Variants in RPS6KC1 observed in about 807,000 individuals in gnomAD.
RPS6KC1 encodes ribosomal protein S6 kinase C1.
Under a neutral mutation model 103.8 loss-of-function variants are expected in RPS6KC1, and 54 were observed. That is an observed-to-expected ratio of 0.52 (90% CI 0.42 to 0.65). The LOEUF (loss-of-function observed/expected upper bound fraction) is 0.65. RPS6KC1 is among the 30% of genes least tolerant of loss of function. The probability of loss-of-function intolerance (pLI) is 0.00; values close to 1 mark genes in which losing one functional copy is unlikely to be tolerated. For synonymous variants in RPS6KC1, 439 were observed against 438.7 expected (o/e 1.00, Z -0.01); for missense variants, 1,151 against 1,253.8 (o/e 0.92, Z 1.24).
At chr1:213,324,593 CTTTTT>C in the RPS6KC1 span, among the ~76,000 whole-genome samples, 5 of 81,822 alleles carry the variant, frequency 6.1e-5, no homozygotes, top group East Asian at 4.4e-4. Context: ...GCTCGATATG[CTTTTT>C]TTTTTTTTTT....
the RPS6KC1 span, among the ~76,000 whole-genome samples, chr1:213,542,685 T>G: frequency 2.0e-5 from 3 of 152,230 alleles, no homozygotes; most frequent in African/African-American, 7.2e-5. Context: ...TCTTAATGTC[T>G]TGAGAGCAAC....
At chr1:213,237,104 G>A (rs1219243915) in intron 10 of RPS6KC1, among the ~76,000 whole-genome samples, 1 of 151,894 alleles carries the variant, frequency 6.6e-6, no homozygotes, top group Admixed American at 6.6e-5. Flanking sequence ...GTTACATATT[G>A]CCTTGAGCTT....
rs947663016 is a variant in RPS6KC1 at position 213,077,767 on chromosome 1, A to T, written c.213A>T (p.Leu71Phe). The T allele has an allele frequency of 6.4e-7, 1 of 1,567,922 alleles. No individual in the cohort carries two copies. Residue 71 changes from leucine to phenylalanine, a missense_variant, in exon 3 of 15, where the codon TTA (leucine) becomes TTT (phenylalanine). Leu to Phe is a conservative substitution (Grantham distance 22, BLOSUM62 0). Around this residue, in one of 3 missense-constraint regions of RPS6KC1, gnomAD observed 959 missense variants for 1,006.3 expected, o/e 0.95. Transcript: ENST00000366960. ...AACTATGGCAAATTCACAAAAACTTATTCCGACATTCAGAGTTGTTTCCTC... is the reference window on the plus strand; with the variant it reads ...AACTATGGCAAATTCACAAAAACTTTTTCCGACATTCAGAGTTGTTTCCTC... ...HKELWQIHKN[L>F]FRHSELFPPF...
the RPS6KC1 span, among the ~76,000 whole-genome samples, chr1:213,599,008 T>TA: frequency 6.6e-6 from 1 of 152,202 alleles, no homozygotes; most frequent in Non-Finnish European, 1.5e-5. Flanking sequence ...GCATAAAATG[T>TA]AAAAATGTAA....
chr1:213,381,247 C>G, the RPS6KC1 span, among the ~76,000 whole-genome samples: 1 of 152,140 alleles, frequency 6.6e-6, no homozygotes, highest in Non-Finnish European at 1.5e-5. Flanking sequence ...AGAGCAAACA[C>G]CGCATCTCCT....
intron 8 of RPS6KC1, among the ~76,000 whole-genome samples, chr1:213,185,434 G>T (rs1014365928): frequency 1.3e-5 from 2 of 152,080 alleles, no homozygotes; most frequent in Non-Finnish European, 2.9e-5. Flanking sequence ...ATCACCTGAG[G>T]TCAGGAATTT....
the RPS6KC1 span, among the ~76,000 whole-genome samples, chr1:213,503,596 A>T: frequency 6.6e-6 from 1 of 152,248 alleles, no homozygotes; most frequent in Non-Finnish European, 1.5e-5. Flanking sequence ...CCTGCCTATT[A>T]ACAGTTACTT....
the RPS6KC1 span, among the ~76,000 whole-genome samples, chr1:213,650,213 G>A: frequency 6.6e-6 from 1 of 152,148 alleles, no homozygotes; most frequent in East Asian, 1.9e-4. Flanking sequence ...TTAAGATGCT[G>A]AGTTAGAAGC....
chr1:213,242,722 AG>A, intron 12 of RPS6KC1, 64 bp downstream of exon 12: 1 of 1,196,446 alleles, frequency 8.4e-7, no homozygotes, highest in Non-Finnish European at 1.2e-6. Context: ...ATTTCTTTAT[AG>A]AAGTTGTATT....
the RPS6KC1 span, among the ~76,000 whole-genome samples, chr1:213,333,279 T>C: frequency 6.6e-6 from 1 of 152,236 alleles, no homozygotes; most frequent in African/African-American, 2.4e-5. Context: ...GCTGTTTCTT[T>C]TGCTACTTGG....
the RPS6KC1 span, among the ~76,000 whole-genome samples, chr1:213,715,354 G>T: frequency 6.6e-6 from 1 of 152,164 alleles, no homozygotes; most frequent in Non-Finnish European, 1.5e-5. Flanking sequence ...TCTTCATAGC[G>T]GGTAAGACCA....
In RPS6KC1 at chr1:213,171,383, C is replaced by T. The variant is rs1039727875; in HGVS notation, c.951+3410C>T. Among the ~76,000 whole-genome samples the T allele has an allele frequency of 2.0e-4, 30 of 149,310 alleles. 1 individual carries two copies. Among genetic ancestry groups the T allele is most frequent in the Admixed American group, 1.7e-3 (25 of 15,000 alleles). On this transcript the variant is annotated intron_variant, in intron 7 of 14. Transcript: ENST00000366960. ...TTTTTTTCAAATAAATCCTAGACAA[C>T]GTTGAATGATTTAAGAATTAATGTT...
At chr1:213,487,795 C>A in the RPS6KC1 span, among the ~76,000 whole-genome samples, 1 of 152,212 alleles carries the variant, frequency 6.6e-6, no homozygotes, top group Non-Finnish European at 1.5e-5. Context: ...ACAAGACAAG[C>A]AAAGCACCTA....
chr1:213,058,284 T>C (rs561173549), intron 1 of RPS6KC1, among the ~76,000 whole-genome samples: 1 of 152,150 alleles, frequency 6.6e-6, no homozygotes, highest in South Asian at 2.1e-4. Context: ...TGAAGTCCAG[T>C]TTATCAGTTC....
the RPS6KC1 span, among the ~76,000 whole-genome samples, chr1:213,484,043 A>T: frequency 6.6e-6 from 1 of 152,162 alleles, no homozygotes; most frequent in African/African-American, 2.4e-5. Context: ...AATTTCAAAC[A>T]TATAGGTGAG....
At chr1:213,861,272 G>A in the RPS6KC1 span, among the ~76,000 whole-genome samples, 4 of 152,120 alleles carry the variant, frequency 2.6e-5, no homozygotes, top group Non-Finnish European at 4.4e-5. Flanking sequence ...AACAGGAGTG[G>A]TTCAACCTTA....
At chr1:213,798,095 T>A in the RPS6KC1 span, among the ~76,000 whole-genome samples, 1 of 152,172 alleles carries the variant, frequency 6.6e-6, no homozygotes, top group Non-Finnish European at 1.5e-5. Context: ...GGACCCATCA[T>A]CGGGGAGACC....
At chr1:213,678,570 C>G in the RPS6KC1 span, among the ~76,000 whole-genome samples, 1 of 152,232 alleles carries the variant, frequency 6.6e-6, no homozygotes, top group African/African-American at 2.4e-5. Flanking sequence ...CCACACCTGG[C>G]TGATCATAAG....
At chr1:213,565,963 A>AC in the RPS6KC1 span, among the ~76,000 whole-genome samples, 1 of 151,438 alleles carries the variant, frequency 6.6e-6, no homozygotes, top group Non-Finnish European at 1.5e-5. Flanking sequence ...CCATCTCAAA[A>AC]AAAAAAAAAA....
Sources: gnomAD v4.1 joint callset for allele counts (sites outside exome capture counted in the v4.1 genomes callset) on GRCh38, gnomAD v4.1.1 for gene constraint, gnomAD v4.1.1 regional missense constraint, MANE v1.5 for transcripts, NCBI Gene and HGNC (gene_info 2026-07-23, HGNC 2026-07-21) for gene names.